DMPK: variants seen among roughly 807,000 people sequenced by gnomAD.
DMPK encodes the protein myotonin-protein kinase.
In DMPK, 32 loss-of-function variants were observed where a neutral mutation model predicts 70.3. That is an observed-to-expected ratio of 0.46 (90% confidence interval 0.34 to 0.61). DMPK has a LOEUF of 0.61. Among genes scored for constraint, DMPK ranks in the 20% least tolerant of loss-of-function variants. The pLI is 0.01. For missense variants in DMPK, 899 were observed against 886.0 expected, an observed-to-expected ratio of 1.01 and a Z score of -0.19; for synonymous variants, 469 against 390.9, an observed-to-expected ratio of 1.20 and a Z score of -2.36.
intron 1 of DMPK, 45 bp downstream of exon 1, chr19:45,782,148 C>T: frequency 1.4e-6 from 1 of 738,940 alleles, no homozygotes; most frequent in Non-Finnish European, 2.0e-6. Flanking sequence ...TGTCTCCTGC[C>T]CCACCCCCAC....
chr19:45,779,323 TCA>T lies in DMPK; in HGVS notation c.371_372del (p.Val124GlufsTer17). On this transcript the variant is annotated frameshift_variant, in exon 4 of 15. Transcript: ENST00000291270. LOFTEE classifies it high-confidence loss of function. ...SCFREERDVL[V>X]NGDRRWITQL... Reference sequence around the variant, plus strand: ...TGCGTGATCCACCGCCGGTCCCCATTCACCAACACGTCCCTCTCCTCACGGAA... The same window carrying T: ...TGCGTGATCCACCGCCGGTCCCCATTCCAACACGTCCCTCTCCTCACGGAA... 1.2e-6 allele frequency: 2 copies of T among 1,613,992 alleles called. No individual in the cohort carries two copies. The highest frequency in any genetic ancestry group is 1.7e-6 in the Non-Finnish European group (2 of 1,180,002).
Position 45,779,293 on chromosome 19 carries a change from G to A in DMPK, c.403C>T (p.His135Tyr). ...NGDRRWITQL[H>Y]FAFQDENYLY... ...TAGTTCTCATCCTGGAAGGCGAAGT[G>A]CAGCTGCGTGATCCACCGCCGGTCC... Residue 135 changes from histidine to tyrosine, a missense_variant, in exon 4 of 15, where the codon CAC (histidine) becomes TAC (tyrosine). Physicochemically the swap from His to Tyr is moderately conservative, Grantham distance 83. Coordinates refer to ENST00000291270, the MANE Select transcript of DMPK (RefSeq NM_004409.5). The A allele has an allele frequency of 6.2e-7, 1 of 1,614,010 alleles. No homozygotes were observed. Among genetic ancestry groups the A allele is most frequent in the Non-Finnish European group, 8.5e-7 (1 of 1,180,022 alleles).
rs190210630 is a variant in DMPK, at chr19:45,769,939, G to A, written c.*549C>T. ...GGCTGGGGCTCCGAGAGCAGCGCAA[G>A]TGAGGAGGGGGGCGCGGGATCCCCG... On this transcript the variant is annotated 3_prime_UTR_variant, in exon 15 of 15. Transcript: ENST00000291270. 7.4e-5 allele frequency: 23 copies of A among 309,988 alleles called. No individual in the cohort carries two copies. In the East Asian group the frequency reaches 1.9e-3, roughly 25 times the overall value. The allele number at this position is 309,988 out of a possible 1,614,324, so 19.2% of individuals were successfully genotyped here. A position where few individuals can be genotyped will look rare whatever the true frequency, so the allele number is the denominator to read the frequency against.
rs1175604614 is a variant in DMPK, at chr19:45,770,488, TC to T, written c.1889del (p.Ter630=). On this transcript the variant is annotated frameshift_variant and stop_lost, in exon 15 of 15. Transcript: ENST00000291270. LOFTEE classifies it high-confidence loss of function. ...CCGGAGTCGAAGACAGTTCTAGGGT[TC>T]AGGGAGCGCGGGCGGCTCCTGGGCG... ...WRRPGAARAP* is the reference protein window; with the variant it reads ...WRRPGAARAPX 1.7e-5 allele frequency: 26 copies of T among 1,550,146 alleles called. No homozygotes were observed. The African/African-American group carries it at 3.1e-4, about 19-fold the overall frequency.
chr19:45,772,019 C>A (rs1459745920), intron 10 of DMPK, 91 bp from the exon 11 acceptor site: 1 of 1,433,810 alleles, frequency 7.0e-7, no homozygotes, highest in South Asian at 1.4e-5. Flanking sequence ...CCTTGTTTAT[C>A]CCCTACTCCT....
chr19:45,771,584 C>G lies in DMPK; in HGVS notation c.1584G>C (p.Gln528His), dbSNP rs1468734553. Residue 528 changes from glutamine (Q) to histidine (H), a missense_variant, in exon 12 of 15, where the codon CAG becomes CAC. By Grantham distance (24) the Gln-to-His change is conservative (BLOSUM62 0). Coordinates refer to ENST00000291270, the MANE Select transcript of DMPK (RefSeq NM_004409.5). ...RQLQERMELL[Q>H]AEGATAVTGV... Reference sequence around the variant, plus strand: ...GGGACTCACCTGTGGCTCCCTCTGCCTGCAGCAACTCCATCCGCTCCTGCA... The same window carrying G: ...GGGACTCACCTGTGGCTCCCTCTGCGTGCAGCAACTCCATCCGCTCCTGCA... The G allele has an allele frequency of 1.2e-6, 2 of 1,614,016 alleles. No individual in the cohort carries two copies. Among genetic ancestry groups the G allele is most frequent in the South Asian group, 2.2e-5 (2 of 91,086 alleles).
rs756920572 is a variant in DMPK at position 45,775,011 on chromosome 19, T to C, written c.1170A>G (p.Glu390=). 6.2e-7 allele frequency: 1 copy of C among 1,613,888 alleles called. No individual in the cohort carries two copies. Among genetic ancestry groups the C allele is most frequent in the Non-Finnish European group, 8.5e-7 (1 of 1,179,954 alleles). Residue 390 remains glutamate, a synonymous_variant, in exon 9 of 15, where the codon GAA becomes GAG. Coordinates refer to ENST00000291270, the MANE Select transcript of DMPK (RefSeq NM_004409.5). ...GCAGGTGGACCCCTAGCGGCGCACC[T>C]TCCCGAATGTCCGACAGTGTCTCCT... ...GGGETLSDIR[E]GAPLGVHLPF... is the part of the protein sequence containing the mutation.
intron 9 of DMPK, among the ~76,000 whole-genome samples, chr19:45,774,428 A>C (rs1453279190): frequency 6.6e-6 from 1 of 151,020 alleles, no homozygotes; most frequent in Non-Finnish European, 1.5e-5. Context: ...TGCCCGGCTA[A>C]TTTTTTTGTA....
In DMPK at chr19:45,777,721, C is replaced by T. The variant is rs1163455346; in HGVS notation, c.828G>A (p.Thr276=). The change falls in exon 7 of 15, where the codon ACG becomes ACA. Residue 276 remains threonine (T), a synonymous_variant. Transcript: ENST00000291270. This position sits in a 1 kb window ranked among gnomAD's most constrained non-coding sequence, Gnocchi z 6.7. ...VFAYEMFYGQ[T]PFYADSTAET... ...CCGCCGTGGAATCCGCGTAGAAGGG[C>T]GTCTGCCCATAGAACATTTCATAGG... The T allele has an allele frequency of 3.1e-6, 5 of 1,613,980 alleles. No individual in the cohort carries two copies. The highest frequency in any genetic ancestry group is 1.7e-5 in the Admixed American group (1 of 60,030).
rs759773909 is a variant in DMPK, at chr19:45,772,682, C to T, written c.1303G>A (p.Ala435Thr). The T allele has an allele frequency of 3.9e-6, 6 of 1,532,158 alleles. No homozygotes were observed. The highest frequency in any genetic ancestry group is 1.3e-5 in the South Asian group (1 of 77,244). 94.9% of individuals were successfully genotyped at this position (1,532,158 alleles called of 1,614,324 possible). ...GACACCGAGGGCTCCAGGCTGGGCGCTTGCACGTGTGGCTCAAGCAGCTGC... is the reference window on the plus strand; with the variant it reads ...GACACCGAGGGCTCCAGGCTGGGCGTTTGCACGTGTGGCTCAAGCAGCTGC... ...AEQLLEPHVQAPSLEPSVSPQ... is the reference protein window; with the variant it reads ...AEQLLEPHVQTPSLEPSVSPQ... The change falls in exon 10 of 15, where the codon GCG becomes ACG. Residue 435 changes from alanine to threonine, a missense_variant. By Grantham distance (58) the Ala-to-Thr change is moderately conservative. Around this residue, in one of 3 missense-constraint regions of DMPK, gnomAD observed 555 missense variants for 483.8 expected, o/e 1.15. Coordinates refer to ENST00000291270, the MANE Select transcript of DMPK (RefSeq NM_004409.5).
intron 4 of DMPK, 152 bp from the exon 5 acceptor site, chr19:45,778,793 A>G: frequency 1.3e-6 from 1 of 790,858 alleles, no homozygotes; most frequent in East Asian, 2.7e-5. Context: ...GCCGGGCCAA[A>G]TCAGAGACCA....
intron 11 of DMPK, 40 bp from the exon 12 acceptor site, chr19:45,771,705 CGA>C: frequency 6.2e-7 from 1 of 1,611,984 alleles, no homozygotes; most frequent in Non-Finnish European, 8.5e-7. Flanking sequence ...CCGGGCCGGA[CGA>C]GAGGGGATGC....
Position 45,770,453 on chromosome 19 carries a change from C to T in DMPK, c.*35G>A. ...GCCGTGCCCCGGGCACTCAGTCTTC[C>T]AACGGGGCCCCGGAGTCGAAGACAG... is the stretch of plus-strand genomic sequence containing the variant. On this transcript the variant is annotated 3_prime_UTR_variant, in exon 15 of 15. Transcript: ENST00000291270. The T allele has an allele frequency of 6.5e-7, 1 of 1,548,906 alleles. No homozygotes were observed. The highest frequency in any genetic ancestry group is 8.7e-7 in the Non-Finnish European group (1 of 1,146,564).
At chr19:45,774,846 G>A (rs569191457) in intron 9 of DMPK, 103 bp downstream of exon 9, 4 of 875,936 alleles carry the variant, frequency 4.6e-6, no homozygotes, top group South Asian at 1.5e-5. Flanking sequence ...AAAACAGTAA[G>A]GTTCCAAGAC....
chr19:45,777,949 CT>C lies in DMPK; in HGVS notation c.676-77del. On this transcript the variant is annotated intron_variant, in intron 6 of 14. Transcript: ENST00000291270. The surrounding 1 kb of genome is among the most constrained non-coding windows in gnomAD (Gnocchi z 6.7). ...CAGCTCTGGGCCCTCCTTCCAACCACTCCCCAAATGCTTAGCCCCTCCCTCT... is the reference window on the plus strand; with the variant it reads ...CAGCTCTGGGCCCTCCTTCCAACCACCCCCAAATGCTTAGCCCCTCCCTCT... 9.9e-6 allele frequency: 14 copies of C among 1,417,134 alleles called. No homozygotes were observed. The highest frequency in any genetic ancestry group is 1.4e-5 in the Non-Finnish European group (14 of 1,033,890). The allele number at this position is 1,417,134 out of a possible 1,614,324, so 87.8% of individuals were successfully genotyped here. A position where few individuals can be genotyped will look rare whatever the true frequency, so the allele number is the denominator to read the frequency against.
intron 8 of DMPK, among the ~76,000 whole-genome samples, chr19:45,776,134 ATTTTTTTTTT>A (rs534946812): frequency 1.9e-4 from 9 of 48,348 alleles, no homozygotes; most frequent in South Asian, 7.9e-4. Flanking sequence ...GGTCCAGCCT[ATTTTTTTTTT>A]TTTTTTTTTT....
At chr19:45,771,191 T>C in intron 13 of DMPK, 131 bp from the exon 14 acceptor site, 1 of 1,202,770 alleles carries the variant, frequency 8.3e-7, no homozygotes, top group Non-Finnish European at 1.2e-6. Flanking sequence ...TGGTGAGGCC[T>C]GAACGGAGGG....
At chr19:45,780,519 G>C in intron 1 of DMPK, 3 of 1,079,592 alleles carry the variant, frequency 2.8e-6, no homozygotes, top group South Asian at 2.5e-5. Context: ...TGACAATCAG[G>C]CCTCTCAGAA....
At position 45,771,828 on chromosome 19, in the gene DMPK, C is replaced by A. The variant is rs1362987476; in HGVS notation, c.1445G>T (p.Arg482Leu). 2 of 1,572,264 alleles carry A rather than the reference C, an allele frequency of 1.3e-6. No homozygotes were observed. The highest frequency in any genetic ancestry group is 1.7e-6 in the Non-Finnish European group (2 of 1,158,846). The change falls in exon 11 of 15, where the codon CGG (arginine) becomes CTG (leucine). Residue 482 changes from arginine to leucine, a missense_variant. This residue lies in a region of DMPK where 555 missense variants were observed against 483.8 expected (regional missense o/e 1.15). Transcript: ENST00000291270. ...QEALEEEVLT[R>L]QSLSREMEAI... is the part of the protein sequence containing the mutation. ...CTCCATCTCCCGGCTCAGGCTCTGCCGGGTGAGCACCTCCTCCTCCAGGGC... is the reference window on the plus strand; with the variant it reads ...CTCCATCTCCCGGCTCAGGCTCTGCAGGGTGAGCACCTCCTCCTCCAGGGC...
Sources: allele counts gnomAD v4.1 joint callset (sites outside exome capture counted in the v4.1 genomes callset), GRCh38; gene constraint gnomAD v4.1.1; regional missense constraint gnomAD v4.1.1; non-coding constraint Gnocchi (gnomAD v3.1); transcripts MANE v1.5; gene names NCBI Gene and HGNC (gene_info 2026-07-23, HGNC 2026-07-21).